CSGALNACT1: variants seen among roughly 807,000 people sequenced by gnomAD.
CSGALNACT1 encodes chondroitin sulfate N-acetylgalactosaminyltransferase 1.
A neutral mutation model predicts 51.0 loss-of-function variants in CSGALNACT1; 52 were observed. The ratio of observed to expected loss-of-function variants is 1.02; its 90% confidence interval spans 0.82 to 1.29. The LOEUF is 1.29. CSGALNACT1 is among the 50% of genes most tolerant of loss of function. The pLI is 0.00. For synonymous variants in CSGALNACT1, 341 were observed against 254.4 expected (o/e 1.34, Z -3.24); for missense variants, 935 against 679.2 (o/e 1.38, Z -4.19).
At chr8:19,523,200 C>T (rs377074643) in intron 3 of CSGALNACT1, among the ~76,000 whole-genome samples, 1 of 152,132 alleles carries the variant, frequency 6.6e-6, no homozygotes, top group East Asian at 1.9e-4. Context: ...CATGCCACAC[C>T]CACCTCGCTC....
chr8:19,737,252 C>T lies in CSGALNACT1; in HGVS notation c.-297+20598G>A, dbSNP rs769365935. On this transcript the variant is annotated intron_variant, in intron 1 of 1. Transcript: ENST00000517494. ...AAAAGAACTTCTAAATAATGTATTT[C>T]GGGAAGTATATATCTCCCAGAAAGA... Among the ~76,000 whole-genome samples the T allele has an allele frequency of 4.6e-5, 7 of 151,804 alleles. No individual in the cohort carries two copies. The East Asian group carries it at 5.8e-4, about 13-fold the overall frequency.
chr8:19,736,709 C>T (rs2064000252), intron 1 of CSGALNACT1, among the ~76,000 whole-genome samples: 1 of 151,816 alleles, frequency 6.6e-6, no homozygotes. Flanking sequence ...AAAAAATTAC[C>T]CAGCGAACAG....
chr8:19,434,649 C>T (rs529138938), intron 6 of CSGALNACT1, among the ~76,000 whole-genome samples: 102 of 152,318 alleles, frequency 6.7e-4, no homozygotes, highest in African/African-American at 2.0e-3. Context: ...AGCAGAATCA[C>T]GCTTAGCAAA....
intron 3 of CSGALNACT1, among the ~76,000 whole-genome samples, chr8:19,530,408 A>T (rs943106318): frequency 6.6e-6 from 1 of 152,136 alleles, no homozygotes; most frequent in Non-Finnish European, 1.5e-5. Context: ...ATTTTATAAT[A>T]TCTATAACTC....
At chr8:19,455,814 T>G (rs1306597747) in intron 5 of CSGALNACT1, among the ~76,000 whole-genome samples, 3 of 152,232 alleles carry the variant, frequency 2.0e-5, no homozygotes, top group African/African-American at 7.2e-5. Flanking sequence ...CGCCTGGCTC[T>G]GCATTTGCAG....
At position 19,688,612 on chromosome 8, in the gene CSGALNACT1, C is replaced by T. The variant is rs1180461423; in HGVS notation, c.-297+69238G>A. On this transcript the variant is annotated intron_variant, in intron 1 of 1. Coordinates refer to the CSGALNACT1 transcript ENST00000517494. Reference sequence around the variant, plus strand: ...CTTATACTTTGCATTGACTCCTTCCCTTCACCCTATTCTCTCATCTTTATT... The same window carrying T: ...CTTATACTTTGCATTGACTCCTTCCTTTCACCCTATTCTCTCATCTTTATT... The T allele has an allele frequency of 2.6e-5, 4 of 152,176 alleles. No individual in the cohort carries two copies. In the East Asian group the frequency reaches 7.7e-4, roughly 29 times the overall value. 9.4% of individuals were successfully genotyped at this position (152,176 alleles called of 1,614,324 possible). A position where few individuals can be genotyped will look rare whatever the true frequency, so the allele number is the denominator to read the frequency against.
intron 1 of CSGALNACT1, among the ~76,000 whole-genome samples, chr8:19,706,541 C>A (rs1371884886): frequency 1.3e-5 from 2 of 152,038 alleles, no homozygotes; most frequent in Admixed American, 1.3e-4. Flanking sequence ...CACAAAACAC[C>A]CAGAAGGACA....
chr8:19,651,110 A>G (rs1039510033), intron 1 of CSGALNACT1, among the ~76,000 whole-genome samples: 1 of 152,188 alleles, frequency 6.6e-6, no homozygotes, highest in Admixed American at 6.5e-5. Context: ...AAAGGGTCAG[A>G]TGGTGGGCAG....
intron 1 of CSGALNACT1, among the ~76,000 whole-genome samples, chr8:19,716,476 T>A (rs764639706): frequency 9.4e-5 from 14 of 149,168 alleles, no homozygotes; most frequent in East Asian, 1.9e-4. Flanking sequence ...TTTCCCTTTT[T>A]AAAAAAAAAA....
intron 4 of CSGALNACT1, among the ~76,000 whole-genome samples, chr8:19,460,034 A>C (rs1479175507): frequency 6.6e-6 from 1 of 152,170 alleles, no homozygotes; most frequent in African/African-American, 2.4e-5. Flanking sequence ...GATTTCCCTC[A>C]TGCCTAAAGA....
intron 4 of CSGALNACT1, among the ~76,000 whole-genome samples, chr8:19,485,060 T>G (rs2072520734): frequency 6.6e-6 from 1 of 152,198 alleles, no homozygotes; most frequent in Non-Finnish European, 1.5e-5. Context: ...TCTCAGGCTT[T>G]CAGATTGTGA....
intron 3 of CSGALNACT1, among the ~76,000 whole-genome samples, chr8:19,512,673 G>A (rs997465145): frequency 1.6e-4 from 25 of 152,160 alleles, no homozygotes; most frequent in Non-Finnish European, 3.1e-4. Flanking sequence ...GAAGTTATGC[G>A]ACTTGTCTAA....
At chr8:19,687,122 A>C (rs963543864), upstream of CSGALNACT1, among the ~76,000 whole-genome samples, 3 of 152,176 alleles carry the variant, frequency 2.0e-5, no homozygotes, top group Admixed American at 6.5e-5. Context: ...ACTGCAAAAA[A>C]TGTGCACAGT....
chr8:19,449,500 A>C (rs1180608296), intron 5 of CSGALNACT1, among the ~76,000 whole-genome samples: 1 of 152,196 alleles, frequency 6.6e-6, no homozygotes, highest in Non-Finnish European at 1.5e-5. Context: ...TACCAGCCTC[A>C]CTATAACATT....
At chr8:19,409,887 C>A (rs1330384582) in intron 8 of CSGALNACT1, among the ~76,000 whole-genome samples, 2 of 151,978 alleles carry the variant, frequency 1.3e-5, no homozygotes, top group Non-Finnish European at 1.5e-5. Flanking sequence ...CCTTATAAAA[C>A]AAGGGGGTTA....
intron 1 of CSGALNACT1, among the ~76,000 whole-genome samples, chr8:19,626,368 A>G (rs2054458208): frequency 6.6e-6 from 1 of 152,156 alleles, no homozygotes; most frequent in African/African-American, 2.4e-5. Flanking sequence ...ACAACTGGCT[A>G]TCCTGAGGCC....
chr8:19,557,756 C>G (rs2039793631), intron 3 of CSGALNACT1, among the ~76,000 whole-genome samples: 1 of 152,124 alleles, frequency 6.6e-6, no homozygotes, highest in Non-Finnish European at 1.5e-5. Context: ...TTCTTCATAC[C>G]TATCATGTTA....
chr8:19,664,744 A>G (rs2059048909), intron 1 of CSGALNACT1, among the ~76,000 whole-genome samples: 1 of 152,212 alleles, frequency 6.6e-6, no homozygotes, highest in South Asian at 2.1e-4. Flanking sequence ...TTGTAGCAAC[A>G]TAGTTGGAAC....
At chr8:19,630,220 G>GTGTGTA (rs1564299415) in intron 1 of CSGALNACT1, among the ~76,000 whole-genome samples, 3 of 150,032 alleles carry the variant, frequency 2.0e-5, no homozygotes, top group African/African-American at 7.4e-5. Context: ...GTGTGTGTGT[G>GTGTGTA]TGTGTGTGTG....
Sources: allele counts gnomAD v4.1 joint callset (sites outside exome capture counted in the v4.1 genomes callset), GRCh38; gene constraint gnomAD v4.1.1; transcripts MANE v1.5; gene names NCBI Gene and HGNC (gene_info 2026-07-23, HGNC 2026-07-21).